The following RALGDS variants were observed in gnomAD, a reference collection of about 807,000 sequenced individuals.
RALGDS encodes ral guanine nucleotide dissociation stimulator.
A neutral mutation model predicts 99.8 loss-of-function variants in RALGDS; 44 were observed. That is an observed-to-expected ratio of 0.44 (90% CI 0.35 to 0.57). The LOEUF (loss-of-function observed/expected upper bound fraction) is 0.57. Ranked by LOEUF, RALGDS falls within the 20% of genes least tolerant of loss-of-function variation. RALGDS has a pLI of 0.01. For synonymous variants in RALGDS, 529 were observed against 505.0 expected (o/e 1.05, Z -0.64); for missense variants, 1,022 against 1,203.1 (o/e 0.85, Z 2.23).
At chr9:133,123,899 C>G (rs1213664595), upstream of RALGDS, among the ~76,000 whole-genome samples, 42 of 77,042 alleles carry the variant, frequency 5.5e-4, no homozygotes, top group South Asian at 2.4e-3. Flanking sequence ...CACATAGAGA[C>G]AGAGACACAG....
upstream of RALGDS, among the ~76,000 whole-genome samples, chr9:133,123,119 G>GCGTATTT (rs1256800670): frequency 6.6e-6 from 1 of 152,054 alleles, no homozygotes; most frequent in East Asian, 1.9e-4. Flanking sequence ...TGTGGGTGAG[G>GCGTATTT]CGTATTTCGA....
At chr9:133,117,180 T>C (rs759957287) in intron 1 of RALGDS, among the ~76,000 whole-genome samples, 13 of 152,184 alleles carry the variant, frequency 8.5e-5, no homozygotes, top group Non-Finnish European at 1.3e-4. Flanking sequence ...CTGCTACCTG[T>C]CCACTGTGCC....
At chr9:133,107,432 C>A in intron 6 of RALGDS, 132 bp from the exon 7 acceptor site, 1 of 832,478 alleles carries the variant, frequency 1.2e-6, no homozygotes, top group Non-Finnish European at 2.0e-6. Context: ...GTGCCCAGCA[C>A]ACAAGTGACC....
chr9:133,139,611 C>T (rs948736555), intron 1 of RALGDS, among the ~76,000 whole-genome samples: 6 of 152,164 alleles, frequency 3.9e-5, no homozygotes, highest in Non-Finnish European at 8.8e-5. Flanking sequence ...GAGTGGGATG[C>T]GTGGCCTGGG....
intron 1 of RALGDS, chr9:133,130,931 G>T (rs1267936648): frequency 5.9e-6 from 9 of 1,527,122 alleles, no homozygotes; most frequent in Non-Finnish European, 5.3e-6. Context: ...CAGAGGCCAA[G>T]AGTCTCAGCT....
intron 6 of RALGDS, among the ~76,000 whole-genome samples, 173 bp downstream of exon 6, chr9:133,107,815 C>T (rs1440555699): frequency 6.6e-6 from 1 of 152,222 alleles, no homozygotes; most frequent in Non-Finnish European, 1.5e-5. Context: ...TCTCTACTGT[C>T]CAGAGGTAAA....
chr9:133,139,151 C>A (rs750041754), intron 1 of RALGDS, among the ~76,000 whole-genome samples: 90 of 152,212 alleles, frequency 5.9e-4, no homozygotes, highest in Non-Finnish European at 1.2e-3. Context: ...GAGAGATGCA[C>A]CTGCCCCCAA....
chr9:133,128,463 G>C (rs909014199), intron 1 of RALGDS, among the ~76,000 whole-genome samples: 4 of 152,112 alleles, frequency 2.6e-5, no homozygotes, highest in African/African-American at 9.7e-5. Flanking sequence ...TGATAGGTGG[G>C]GCACATCACA....
At chr9:133,129,901 T>C (rs1054875521) in intron 1 of RALGDS, among the ~76,000 whole-genome samples, 5 of 149,842 alleles carry the variant, frequency 3.3e-5, no homozygotes, top group Non-Finnish European at 7.4e-5. Flanking sequence ...CTATAACCTC[T>C]ACCTCCCGGT....
upstream of RALGDS, chr9:133,131,217 T>G: frequency 9.3e-7 from 1 of 1,080,578 alleles, no homozygotes; most frequent in Non-Finnish European, 1.1e-6. Context: ...AGCAGACAGT[T>G]CAGGGCCTGG....
chr9:133,111,641 T>G (rs1207555463), intron 2 of RALGDS, among the ~76,000 whole-genome samples: 2 of 152,204 alleles, frequency 1.3e-5, no homozygotes, highest in African/African-American at 2.4e-5. Context: ...CATGAGGAGC[T>G]GAACTGGGGC....
At chr9:133,135,188 C>G (rs1054968622), upstream of RALGDS, among the ~76,000 whole-genome samples, 1 of 152,102 alleles carries the variant, frequency 6.6e-6, no homozygotes, top group Non-Finnish European at 1.5e-5. Flanking sequence ...CTAGGGAGAC[C>G]CGGGGACTCC....
At chr9:133,119,267 C>A (rs1319958004) in intron 1 of RALGDS, among the ~76,000 whole-genome samples, 1 of 152,156 alleles carries the variant, frequency 6.6e-6, no homozygotes, top group Non-Finnish European at 1.5e-5. Context: ...GAAACCAGCC[C>A]CAGGACGGGG....
At chr9:133,108,497 T>A in intron 5 of RALGDS, 91 bp from the exon 6 acceptor site, 1 of 1,443,902 alleles carries the variant, frequency 6.9e-7, no homozygotes, top group Non-Finnish European at 9.4e-7. Flanking sequence ...GAAGCCTCTC[T>A]CCCCGAACCC....
intron 1 of RALGDS, among the ~76,000 whole-genome samples, chr9:133,128,538 C>T (rs577325455): frequency 2.6e-5 from 4 of 152,272 alleles, no homozygotes; most frequent in Admixed American, 6.5e-5. Context: ...ATCCTGGCCC[C>T]GGACTCCTTG....
Position 133,103,108 on chromosome 9 carries a change from C to T in RALGDS, c.1791+122G>A. ...CCCTCCAGTGGGAGGGGACCCCCTT[C>T]TCTCTGTGTCCAAATGTCCCATGTC... On this transcript the variant is annotated intron_variant, in intron 12 of 17. Transcript: ENST00000372050. 7.7e-6 allele frequency: 11 copies of T among 1,436,240 alleles called. 1 individual carries two copies. The highest frequency in any genetic ancestry group is 1.1e-5 in the Non-Finnish European group (11 of 1,032,802). 89.0% of individuals were successfully genotyped at this position (1,436,240 alleles called of 1,614,324 possible).
chr9:133,129,232 C>T (rs2119245137), intron 1 of RALGDS: 1 of 1,597,156 alleles, frequency 6.3e-7, no homozygotes, highest in African/African-American at 1.3e-5. Flanking sequence ...TGGCGGTCAC[C>T]ACAGAGACAC....
chr9:133,115,023 A>C (rs928575353), intron 1 of RALGDS, among the ~76,000 whole-genome samples: 13 of 152,306 alleles, frequency 8.5e-5, no homozygotes, highest in African/African-American at 2.9e-4. Context: ...CAGCCTTCTC[A>C]GAGTGACAGG....
In RALGDS at chr9:133,110,220, T is replaced by C. The variant is rs1831275768; in HGVS notation, c.488+76A>G. On this transcript the variant is annotated intron_variant, in intron 3 of 17. Transcript: ENST00000372050. ...GAGGCTCAGAGAGGTGAATCAGCATTGCCAAGACCCGCAGCCAGGTGGGGG... is the reference window on the plus strand; with the variant it reads ...GAGGCTCAGAGAGGTGAATCAGCATCGCCAAGACCCGCAGCCAGGTGGGGG... The C allele has an allele frequency of 8.3e-6, 12 of 1,449,126 alleles. 1 individual carries two copies. Among genetic ancestry groups the C allele is most frequent in the South Asian group, 1.2e-5 (1 of 86,856 alleles). The allele number at this position is 1,449,126 out of a possible 1,614,324, so 89.8% of individuals were successfully genotyped here.
Sources: gnomAD v4.1 joint callset for allele counts (sites outside exome capture counted in the v4.1 genomes callset) on GRCh38, gnomAD v4.1.1 for gene constraint, MANE v1.5 for transcripts, NCBI Gene and HGNC (gene_info 2026-07-23, HGNC 2026-07-21) for gene names.